The following HS3ST5 variants were observed in gnomAD, a reference collection of about 807,000 sequenced individuals.
HS3ST5 encodes heparan sulfate glucosamine 3-O-sulfotransferase 5.
A neutral mutation model predicts 25.4 loss-of-function variants in HS3ST5; 10 were observed. The observed-to-expected ratio is 0.39, with a 90% CI of 0.24 to 0.67. The LOEUF (loss-of-function observed/expected upper bound fraction) is 0.67, where lower values mean the gene tolerates loss of function less well. Ranked by LOEUF, HS3ST5 falls within the 30% of genes least tolerant of loss-of-function variation. The pLI is 0.44. For synonymous variants in HS3ST5, 170 were observed against 162.4 expected, an observed-to-expected ratio of 1.05 and a Z score of -0.36; for missense variants, 324 against 420.7, an observed-to-expected ratio of 0.77 and a Z score of 2.01.
At chr6:114,096,083 C>G (rs1341813092) in intron 3 of HS3ST5, among the ~76,000 whole-genome samples, 1 of 152,072 alleles carries the variant, frequency 6.6e-6, no homozygotes, top group Non-Finnish European at 1.5e-5. Flanking sequence ...TATTTTAAAC[C>G]TTCAGGAAGC....
At chr6:114,304,801 G>A (rs1477319409) in intron 1 of HS3ST5, among the ~76,000 whole-genome samples, 1 of 152,078 alleles carries the variant, frequency 6.6e-6, no homozygotes, top group African/African-American at 2.4e-5. Flanking sequence ...AAGTTCTAGT[G>A]TCTGACATAA....
intron 3 of HS3ST5, among the ~76,000 whole-genome samples, chr6:114,140,058 A>C (rs1015159829): frequency 6.6e-6 from 1 of 152,226 alleles, no homozygotes; most frequent in Non-Finnish European, 1.5e-5. Flanking sequence ...GACTATCAGT[A>C]ATGCACAGAC....
chr6:114,169,364 T>G (rs1779363616), intron 2 of HS3ST5, among the ~76,000 whole-genome samples: 1 of 152,186 alleles, frequency 6.6e-6, no homozygotes, highest in Admixed American at 6.6e-5. Flanking sequence ...ACTTGGCTAA[T>G]AGCCAGCTAC....
At chr6:114,141,056 T>A (rs1777878994) in intron 3 of HS3ST5, among the ~76,000 whole-genome samples, 1 of 152,220 alleles carries the variant, frequency 6.6e-6, no homozygotes, top group Non-Finnish European at 1.5e-5. Context: ...ATTTTCCAAA[T>A]GAGTGCATTA....
chr6:114,337,576 A>G (rs1776658774), intron 1 of HS3ST5, among the ~76,000 whole-genome samples: 1 of 152,208 alleles, frequency 6.6e-6, no homozygotes, highest in Non-Finnish European at 1.5e-5. Flanking sequence ...GAAATTATTG[A>G]GTCCATTAAA....
chr6:114,094,304 T>G (rs1212370284), intron 3 of HS3ST5, among the ~76,000 whole-genome samples: 2 of 152,214 alleles, frequency 1.3e-5, no homozygotes, highest in African/African-American at 4.8e-5. Flanking sequence ...CCCTAAATAT[T>G]TACAACAAGT....
At chr6:114,198,542 T>C (rs1424852077) in intron 2 of HS3ST5, among the ~76,000 whole-genome samples, 1 of 152,112 alleles carries the variant, frequency 6.6e-6, no homozygotes, top group Non-Finnish European at 1.5e-5. Flanking sequence ...AAATAGGGAA[T>C]AGGTTTAAGG....
intron 3 of HS3ST5, among the ~76,000 whole-genome samples, chr6:114,135,361 C>A (rs1417113930): frequency 6.6e-6 from 1 of 152,022 alleles, no homozygotes; most frequent in African/African-American, 2.4e-5. Flanking sequence ...GGGACTATGC[C>A]CAGAGACAGG....
At chr6:114,190,223 C>G (rs758757825) in intron 2 of HS3ST5, among the ~76,000 whole-genome samples, 6 of 152,106 alleles carry the variant, frequency 3.9e-5, no homozygotes, top group Non-Finnish European at 7.4e-5. Context: ...TCTAGTTGCT[C>G]TTAATCAATC....
chr6:114,084,818 TTTTTC>T (rs1239927678), intron 3 of HS3ST5: 32 of 674,114 alleles, frequency 4.7e-5, no homozygotes, highest in African/African-American at 1.5e-4. Flanking sequence ...GAAAATTTCT[TTTTTC>T]TTTTCTTTTC....
At position 114,099,939 on chromosome 6, in the gene HS3ST5, C is replaced by G. The variant is rs78626910; in HGVS notation, c.-32-37062G>C. On this transcript the variant is annotated intron_variant, in intron 3 of 4. Transcript: ENST00000312719. ...TGCAGTCTATGAATAAGGTACAGCTCAGGGAATAACTCCTAAGAAATGGAA... is the reference window on the plus strand; with the variant it reads ...TGCAGTCTATGAATAAGGTACAGCTGAGGGAATAACTCCTAAGAAATGGAA... Among the ~76,000 whole-genome samples, 3 of 152,164 alleles carry G rather than the reference C, an allele frequency of 2.0e-5. No individual in the cohort carries two copies. The South Asian group carries it at 6.2e-4, about 32-fold the overall frequency.
chr6:114,312,330 A>G (rs2114848763), intron 1 of HS3ST5, among the ~76,000 whole-genome samples: 1 of 152,322 alleles, frequency 6.6e-6, no homozygotes, highest in East Asian at 1.9e-4. Flanking sequence ...TGGAAAATCA[A>G]AAAACAAAAA....
intron 3 of HS3ST5, among the ~76,000 whole-genome samples, chr6:114,150,071 T>C (rs1044057966): frequency 3.9e-5 from 6 of 152,228 alleles, no homozygotes; most frequent in Admixed American, 6.5e-5. Flanking sequence ...TTGTATTCTA[T>C]AGGGAGTAGG....
chr6:114,128,580 A>G (rs1777162506), intron 3 of HS3ST5, among the ~76,000 whole-genome samples: 1 of 152,246 alleles, frequency 6.6e-6, no homozygotes, highest in African/African-American at 2.4e-5. Flanking sequence ...TCATTAAAAA[A>G]TAAACACTAC....
intron 3 of HS3ST5, among the ~76,000 whole-genome samples, chr6:114,081,701 G>T (rs1179506767): frequency 3.9e-5 from 6 of 152,066 alleles, no homozygotes; most frequent in African/African-American, 4.8e-5. Flanking sequence ...ACACTAATAG[G>T]TACATTTTTT....
At chr6:114,287,423 C>T (rs1774385828) in intron 1 of HS3ST5, among the ~76,000 whole-genome samples, 2 of 152,030 alleles carry the variant, frequency 1.3e-5, no homozygotes, top group Non-Finnish European at 1.5e-5. Flanking sequence ...TTGAACTACA[C>T]CAGAGATTGT....
At chr6:114,197,128 C>CTTT (rs201077147) in intron 2 of HS3ST5, among the ~76,000 whole-genome samples, 2 of 142,446 alleles carry the variant, frequency 1.4e-5, no homozygotes, top group Admixed American at 7.0e-5. Context: ...TTCTTTCTTT[C>CTTT]TTTTTTTTTT....
At chr6:114,256,177 A>G (rs542661118) in intron 1 of HS3ST5, among the ~76,000 whole-genome samples, 30 of 152,262 alleles carry the variant, frequency 2.0e-4, no homozygotes, top group African/African-American at 7.2e-4. Context: ...TCACAAGGTC[A>G]GGACATCAAG....
At chr6:114,085,414 G>T (rs1774741898) in intron 3 of HS3ST5, among the ~76,000 whole-genome samples, 1 of 152,096 alleles carries the variant, frequency 6.6e-6, no homozygotes, top group Non-Finnish European at 1.5e-5. Context: ...AGACCAATTT[G>T]GGATTATGAA....
Sources: gnomAD v4.1 joint callset for allele counts (sites outside exome capture counted in the v4.1 genomes callset) on GRCh38, gnomAD v4.1.1 for gene constraint, MANE v1.5 for transcripts, NCBI Gene and HGNC (gene_info 2026-07-23, HGNC 2026-07-21) for gene names.